The following PLA2G4C variants were observed in gnomAD, a reference collection of about 807,000 sequenced individuals.
The protein encoded by PLA2G4C is phospholipase A2 group IVC.
Under a neutral mutation model 73.8 loss-of-function variants are expected in PLA2G4C, and 64 were observed. That is an observed-to-expected ratio of 0.87 (90% confidence interval 0.71 to 1.07). The LOEUF is 1.07. Ranked by LOEUF, PLA2G4C falls within the 50% of genes least tolerant of loss-of-function variation. PLA2G4C has a pLI of 0.00. For missense variants in PLA2G4C, 622 were observed against 665.4 expected, an observed-to-expected ratio of 0.93 and a Z score of 0.72; for synonymous variants, 254 against 252.1, an observed-to-expected ratio of 1.01 and a Z score of -0.07.
chr19:48,067,751 G>A (rs1329915564), intron 13 of PLA2G4C, 40 bp downstream of exon 13: 5 of 1,340,194 alleles, frequency 3.7e-6, no homozygotes, highest in Admixed American at 1.7e-5. Context: ...CCATTCACAC[G>A]CAAGGACAGA....
At chr19:48,104,908 C>A (rs2032091626) in intron 3 of PLA2G4C, among the ~76,000 whole-genome samples, 184 bp from the exon 4 acceptor site, 1 of 151,862 alleles carries the variant, frequency 6.6e-6, no homozygotes, top group African/African-American at 2.4e-5. Context: ...TGTGGTAAAA[C>A]CCCATCTCTA....
Position 48,104,437 on chromosome 19 carries a change from G to A in PLA2G4C, c.257+151C>T, listed in dbSNP as rs537055542. On this transcript the variant is annotated intron_variant, in intron 4 of 16. Coordinates refer to ENST00000599921, the MANE Select transcript of PLA2G4C (RefSeq NM_003706.3). ...CTGATGTGAACTCCAGGTAGCCAGC[G>A]TCAGAATTGCTCAGAATTGTAGGAC... 4.4e-5 allele frequency: 31 copies of A among 705,410 alleles called. No homozygotes were observed. In the Admixed American group the frequency reaches 4.6e-4, roughly 11 times the overall value. 43.7% of individuals were successfully genotyped at this position (705,410 alleles called of 1,614,324 possible).
Position 48,053,256 on chromosome 19 carries a change from A to G in PLA2G4C, c.1430-109T>C. 4 of 689,708 alleles carry G rather than the reference A, an allele frequency of 5.8e-6. No homozygotes were observed. In the South Asian group the frequency reaches 1.1e-4, roughly 19 times the overall value. 42.7% of individuals were successfully genotyped at this position (689,708 alleles called of 1,614,324 possible). ...GCTTGGCAAACTACAGTTGTGGACC[A>G]AATCCAGTCGGCCCACTACTTTGGC... On this transcript the variant is annotated intron_variant, in intron 15 of 16. Coordinates refer to ENST00000599921, the MANE Select transcript of PLA2G4C (RefSeq NM_003706.3).
intron 9 of PLA2G4C, among the ~76,000 whole-genome samples, chr19:48,087,230 G>T (rs1024578437): frequency 4.6e-5 from 7 of 152,182 alleles, no homozygotes; most frequent in Non-Finnish European, 8.8e-5. Flanking sequence ...CAGTTTCAGT[G>T]CTGGGCTCAG....
At chr19:48,067,522 T>A (rs976311142) in intron 13 of PLA2G4C, among the ~76,000 whole-genome samples, 4 of 152,106 alleles carry the variant, frequency 2.6e-5, no homozygotes, top group African/African-American at 9.7e-5. Flanking sequence ...GAAATTAGGG[T>A]TTTTTGCATT....
chr19:48,080,202 G>A (rs544453047), intron 10 of PLA2G4C, among the ~76,000 whole-genome samples: 2 of 152,086 alleles, frequency 1.3e-5, no homozygotes, highest in South Asian at 2.1e-4. Context: ...AGATATTCCA[G>A]TGGCCAAGAA....
intron 12 of PLA2G4C, among the ~76,000 whole-genome samples, chr19:48,071,298 C>CT (rs758472944): frequency 8.4e-4 from 117 of 139,954 alleles, no homozygotes; most frequent in Middle Eastern, 3.8e-3. Flanking sequence ...CATACTTCTT[C>CT]TTTTTTTTTG....
chr19:48,085,129 A>G lies in PLA2G4C; in HGVS notation c.791-17T>C, dbSNP rs181287059. On this transcript the variant is annotated splice_polypyrimidine_tract_variant and intron_variant, in intron 9 of 16. Coordinates refer to ENST00000599921, the MANE Select transcript of PLA2G4C (RefSeq NM_003706.3). ...TCCATAAACCTGCCAAGAAAATAGC[A>G]ATAAAATTCAAACATTCTCCATCAC... The G allele has an allele frequency of 1.7e-4, 267 of 1,591,408 alleles. 1 individual carries two copies. The East Asian group carries it at 5.5e-3, about 33-fold the overall frequency.
intron 4 of PLA2G4C, among the ~76,000 whole-genome samples, chr19:48,101,148 C>T (rs1430154461): frequency 2.1e-4 from 22 of 103,394 alleles, no homozygotes; most frequent in African/African-American, 1.2e-3. Context: ...TTTTTTGAGA[C>T]AGGTCTTGCT....
intron 6 of PLA2G4C, among the ~76,000 whole-genome samples, chr19:48,096,532 G>C (rs1216682056): frequency 6.6e-6 from 1 of 152,082 alleles, no homozygotes; most frequent in Admixed American, 6.6e-5. Flanking sequence ...GCAGTGAGCC[G>C]AGATCGTGCC....
chr19:48,106,412 C>A, intron 2 of PLA2G4C, 110 bp downstream of exon 2: 2 of 883,322 alleles, frequency 2.3e-6, no homozygotes, highest in South Asian at 1.4e-5. Context: ...TTCCATCTAT[C>A]TCCACCAAGC....
At chr19:48,095,670 A>G in intron 6 of PLA2G4C, 66 bp from the exon 7 acceptor site, 1 of 1,499,846 alleles carries the variant, frequency 6.7e-7, no homozygotes, top group South Asian at 1.1e-5. Flanking sequence ...GGTATGCAGG[A>G]AAAAGAAATC....
At chr19:48,073,684 C>T (rs1029940086) in intron 12 of PLA2G4C, among the ~76,000 whole-genome samples, 12 of 151,984 alleles carry the variant, frequency 7.9e-5, no homozygotes, top group African/African-American at 2.9e-4. Flanking sequence ...GTACAGGAAG[C>T]GTGGTGCTGG....
rs756755159 is a variant in PLA2G4C at position 48,095,600 on chromosome 19, G to A, written c.573C>T (p.Thr191=). ...CGTGGTGAGGGGTGAACTCGAACCA[G>A]GTCTCTGCAGAGGAAATACAACGGC... ...PSWQEARAPE[T]WFEFTPHHAG... is the part of the protein sequence containing the mutation. The change falls in exon 7 of 17, where the codon ACC becomes ACT. Residue 191 remains threonine, a synonymous_variant. Transcript: ENST00000599921. 1.1e-5 allele frequency: 18 copies of A among 1,614,018 alleles called. No homozygotes were observed. Among genetic ancestry groups the A allele is most frequent in the Non-Finnish European group, 1.5e-5 (18 of 1,179,980 alleles).
intron 16 of PLA2G4C, among the ~76,000 whole-genome samples, chr19:48,051,107 C>T (rs781035163): frequency 3.9e-5 from 6 of 151,918 alleles, no homozygotes; most frequent in African/African-American, 9.7e-5. Flanking sequence ...AAGAGCAAGG[C>T]GGGAGGTCAG....
intron 13 of PLA2G4C, 75 bp from the exon 14 acceptor site, chr19:48,062,227 A>T: frequency 7.8e-7 from 1 of 1,280,190 alleles, no homozygotes; most frequent in Non-Finnish European, 1.1e-6. Flanking sequence ...GAAGGCAGAG[A>T]GGGGGATGGG....
At position 48,105,424 on chromosome 19, in the gene PLA2G4C, G is replaced by A; in HGVS notation, c.29C>T (p.Pro10Leu). The change falls in exon 3 of 17, where the codon CCT (proline) becomes CTT (leucine). Residue 10 changes from proline (P) to leucine (L), a missense_variant. Pro to Leu is a moderately conservative substitution (Grantham distance 98). Transcript: ENST00000599921. ...CGCCTTTTCTTCTTTCTGGAGCCCA[G>A]GAATTATGGAAACTTCAGAGCTTCC... Reference protein sequence around the residue: MGSSEVSIIPGLQKEEKAAV... With the variant: MGSSEVSIILGLQKEEKAAV... 2 of 1,613,148 alleles carry A rather than the reference G, an allele frequency of 1.2e-6. No individual in the cohort carries two copies. Among genetic ancestry groups the A allele is most frequent in the African/African-American group, 2.7e-5 (2 of 74,920 alleles).
intron 4 of PLA2G4C, among the ~76,000 whole-genome samples, chr19:48,100,211 T>C (rs1216594956): frequency 6.6e-6 from 1 of 152,084 alleles, no homozygotes. Flanking sequence ...TTAACTCACA[T>C]AATCCTAGAA....
chr19:48,110,799 T>A lies in PLA2G4C; in HGVS notation c.-345A>T, dbSNP rs1294132673. 1.1e-5 allele frequency: 4 copies of A among 364,326 alleles called. No homozygotes were observed. The highest frequency in any genetic ancestry group is 2.0e-5 in the Non-Finnish European group (4 of 204,790). 22.6% of individuals were successfully genotyped at this position (364,326 alleles called of 1,614,324 possible). A position where few individuals can be genotyped will look rare whatever the true frequency, so the allele number is the denominator to read the frequency against. ...CCTCGGCTTGTAGGCCCTGCTTGGT[T>A]GCTCCAGCTTTTTCAGCTGTTCCAG... On this transcript the variant is annotated 5_prime_UTR_variant, in exon 1 of 17. Transcript: ENST00000599921.
Sources: allele counts gnomAD v4.1 joint callset (sites outside exome capture counted in the v4.1 genomes callset), GRCh38; gene constraint gnomAD v4.1.1; transcripts MANE v1.5; gene names NCBI Gene and HGNC (gene_info 2026-07-23, HGNC 2026-07-21).